Variants in SLIT3 observed in about 807,000 individuals in gnomAD.
SLIT3 encodes the protein slit guidance ligand 3, also known as slit homolog 3 protein.
SLIT3 carries 68 observed loss-of-function variants against 184.0 expected under a neutral mutation model. The observed-to-expected ratio is 0.37, with a 90% CI of 0.30 to 0.45. The LOEUF is 0.45. Among genes scored for constraint, SLIT3 ranks in the 20% least tolerant of loss-of-function variants. The pLI is 1.00. For missense variants in SLIT3, 1,707 were observed against 2,026.0 expected, an observed-to-expected ratio of 0.84 and a Z score of 3.02; for synonymous variants, 831 against 828.6, an observed-to-expected ratio of 1.00 and a Z score of -0.05.
At chr5:168,686,063 C>T in intron 30 of SLIT3, 136 bp from the exon 31 acceptor site, 2 of 1,006,500 alleles carry the variant, frequency 2.0e-6, no homozygotes, top group Non-Finnish European at 2.7e-6. Context: ...GGGCTAGTTC[C>T]AGCCCTGCCA....
intron 4 of SLIT3, among the ~76,000 whole-genome samples, chr5:169,063,079 C>A (rs575501213): frequency 6.6e-6 from 1 of 152,324 alleles, no homozygotes; most frequent in East Asian, 1.9e-4. Context: ...CCAAGCTTAA[C>A]CACGAAGCTT....
In SLIT3 at chr5:169,086,499, A is replaced by G. The variant is rs140546918; in HGVS notation, c.413+106980T>C. Among the ~76,000 whole-genome samples the G allele has an allele frequency of 3.1e-3, 467 of 152,374 alleles. 9 individuals carry two copies. In the South Asian group the frequency reaches 0.046, roughly 15 times the overall value. On this transcript the variant is annotated intron_variant, in intron 4 of 35. Transcript: ENST00000519560. ...CTGAAAATTCATTTGTAAAAAGTAC[A>G]CATGAACTATATACGGCTTGACTAA...
intron 2 of SLIT3, among the ~76,000 whole-genome samples, chr5:169,250,690 C>CA (rs1370610507): frequency 6.6e-6 from 1 of 152,208 alleles, no homozygotes; most frequent in Admixed American, 6.5e-5. Flanking sequence ...GTACTTCTTG[C>CA]ATGGAGCCAC....
chr5:169,038,765 T>C (rs912226471), intron 4 of SLIT3, among the ~76,000 whole-genome samples: 1 of 136,142 alleles, frequency 7.3e-6, no homozygotes, highest in Non-Finnish European at 1.5e-5. Flanking sequence ...CTGCGTTCTA[T>C]GGCACCACAT....
intron 20 of SLIT3, among the ~76,000 whole-genome samples, chr5:168,746,419 AGTGTGGTGGT>A (rs1264798267): frequency 7.6e-5 from 2 of 26,248 alleles, no homozygotes; most frequent in Non-Finnish European, 1.3e-4. Flanking sequence ...GTAGTGTGTG[AGTGTGGTGGT>A]GTGTGGTGGT....
intron 1 of SLIT3, among the ~76,000 whole-genome samples, chr5:169,264,818 T>TA (rs1766336653): frequency 6.6e-6 from 1 of 152,204 alleles, no homozygotes; most frequent in Admixed American, 6.5e-5. Flanking sequence ...TTTAAAAACA[T>TA]ACACGCATTT....
chr5:169,129,164 T>C (rs541058751), intron 4 of SLIT3, among the ~76,000 whole-genome samples: 1 of 152,286 alleles, frequency 6.6e-6, no homozygotes, highest in South Asian at 2.1e-4. Flanking sequence ...TTCCCTGTGT[T>C]TTTGCACCAG....
intron 4 of SLIT3, among the ~76,000 whole-genome samples, chr5:169,079,593 G>T (rs1180366082): frequency 1.5e-5 from 2 of 130,390 alleles, no homozygotes; most frequent in East Asian, 4.9e-4. Flanking sequence ...AGGGGAGGAG[G>T]AGGAGGGAGG....
intron 4 of SLIT3, among the ~76,000 whole-genome samples, chr5:169,005,459 C>T (rs531395081): frequency 1.3e-5 from 2 of 152,240 alleles, no homozygotes; most frequent in Admixed American, 1.3e-4. Flanking sequence ...GAACGGTAAA[C>T]ATTATAACCA....
At chr5:168,701,541 GC>G (rs1310921265) in intron 26 of SLIT3, among the ~76,000 whole-genome samples, 1 of 152,200 alleles carries the variant, frequency 6.6e-6, no homozygotes, top group East Asian at 1.9e-4. Context: ...GGCAGCAGGA[GC>G]AGTGAGGGCA....
intron 3 of SLIT3, among the ~76,000 whole-genome samples, chr5:169,208,227 A>G (rs1026189299): frequency 5.3e-5 from 8 of 152,198 alleles, no homozygotes; most frequent in Non-Finnish European, 1.0e-4. Context: ...CATTGAATCT[A>G]CATATTATTA....
chr5:169,239,040 C>T (rs1765301403), intron 3 of SLIT3, among the ~76,000 whole-genome samples: 1 of 152,130 alleles, frequency 6.6e-6, no homozygotes, highest in South Asian at 2.1e-4. Context: ...TTGAAACCAT[C>T]TACTGGGGAT....
rs1581129613 is a variant in SLIT3 at position 169,275,126 on chromosome 5, C to T, written c.198-23667G>A. On this transcript the variant is annotated intron_variant, in intron 1 of 35. Coordinates refer to ENST00000519560, the MANE Select transcript of SLIT3 (RefSeq NM_003062.4). ...ATCCATTAACACAAAATGGTTGTTA[C>T]GTGCCTTCATAATAGCAGTAGCTGC... Among the ~76,000 whole-genome samples the T allele has an allele frequency of 2.0e-5, 3 of 152,172 alleles. No individual in the cohort carries two copies. In the East Asian group the frequency reaches 5.8e-4, roughly 29 times the overall value.
chr5:169,058,408 TA>T (rs1276941350), intron 4 of SLIT3, among the ~76,000 whole-genome samples: 5 of 152,198 alleles, frequency 3.3e-5, no homozygotes, highest in African/African-American at 1.2e-4. Context: ...AGAAAGAAAC[TA>T]GATCTGAAAG....
intron 12 of SLIT3, among the ~76,000 whole-genome samples, chr5:168,783,571 G>A (rs1318025222): frequency 6.6e-6 from 1 of 152,184 alleles, no homozygotes; most frequent in Non-Finnish European, 1.5e-5. Flanking sequence ...TAATTTGAGA[G>A]ATGGAATGAG....
intron 4 of SLIT3, among the ~76,000 whole-genome samples, chr5:169,090,707 G>A (rs932172467): frequency 6.6e-6 from 1 of 152,228 alleles, no homozygotes; most frequent in African/African-American, 2.4e-5. Flanking sequence ...CAGACACACA[G>A]AAGAAAAGGC....
At chr5:168,871,104 C>A (rs983221764) in intron 5 of SLIT3, among the ~76,000 whole-genome samples, 1 of 152,198 alleles carries the variant, frequency 6.6e-6, no homozygotes, top group African/African-American at 2.4e-5. Context: ...CTTCTGGACG[C>A]CCCAGGGTAC....
intron 4 of SLIT3, among the ~76,000 whole-genome samples, chr5:169,105,196 C>T (rs992513864): frequency 1.4e-4 from 21 of 152,056 alleles, no homozygotes; most frequent in East Asian, 3.9e-4. Context: ...TTTTTCCATG[C>T]GTCACAAATA....
intron 4 of SLIT3, among the ~76,000 whole-genome samples, chr5:168,962,779 C>T (rs966048793): frequency 1.4e-4 from 21 of 152,058 alleles, no homozygotes; most frequent in African/African-American, 4.8e-4. Flanking sequence ...TGCCTTTTAG[C>T]TCTTAGACTC....
Sources: gnomAD v4.1 joint callset for allele counts (sites outside exome capture counted in the v4.1 genomes callset) on GRCh38, gnomAD v4.1.1 for gene constraint, MANE v1.5 for transcripts, NCBI Gene and HGNC (gene_info 2026-07-23, HGNC 2026-07-21) for gene names.